Variants in ZNF536 observed in about 807,000 individuals in gnomAD.
ZNF536 encodes the protein zinc finger protein 536.
A neutral mutation model predicts 84.5 loss-of-function variants in ZNF536; 13 were observed. The observed-to-expected ratio is 0.15, with a 90% confidence interval of 0.10 to 0.24. The LOEUF is 0.24. ZNF536 is among the 10% of genes least tolerant of loss of function. The pLI is 1.00. For synonymous variants in ZNF536, 811 were observed against 742.5 expected (o/e 1.09, Z -1.50); for missense variants, 1,536 against 1,747.5 (o/e 0.88, Z 2.16).
intron 1 of ZNF536, among the ~76,000 whole-genome samples, chr19:30,598,970 TC>T (rs1191760252): frequency 2.0e-5 from 1 of 51,274 alleles, no homozygotes; most frequent in African/African-American, 5.1e-5. Context: ...CCTCCTTCCC[TC>T]CTTCCCTCCC....
At chr19:30,432,382 C>T (rs1277710099) in intron 1 of ZNF536, among the ~76,000 whole-genome samples, 1 of 152,160 alleles carries the variant, frequency 6.6e-6, no homozygotes, top group Non-Finnish European at 1.5e-5. Flanking sequence ...AACCCACCTA[C>T]TCTCACCAAG....
chr19:30,694,036 C>CA (rs1268891109), intron 1 of ZNF536, among the ~76,000 whole-genome samples: 1 of 152,140 alleles, frequency 6.6e-6, no homozygotes, highest in Non-Finnish European at 1.5e-5. Context: ...AAGATGTGTG[C>CA]AGGTAGTGAA....
chr19:30,259,414 G>A (rs1345451468), intron 1 of ZNF536, among the ~76,000 whole-genome samples: 5 of 152,212 alleles, frequency 3.3e-5, no homozygotes, highest in Admixed American at 1.3e-4. Flanking sequence ...TGGCGCAACA[G>A]CATGGGCGTC....
At chr19:30,559,754 T>G (rs1317389851), downstream of ZNF536, among the ~76,000 whole-genome samples, 1 of 152,134 alleles carries the variant, frequency 6.6e-6, no homozygotes. Context: ...GCCCTTTGCA[T>G]TGACAGCCTG....
chr19:30,404,539 T>A (rs369989739), intron 1 of ZNF536, among the ~76,000 whole-genome samples: 1 of 152,296 alleles, frequency 6.6e-6, no homozygotes, highest in South Asian at 2.1e-4. Flanking sequence ...AATATGATAG[T>A]AGTAAAACTC....
chr19:30,604,430 A>C (rs889421951), intron 1 of ZNF536, among the ~76,000 whole-genome samples: 9 of 152,194 alleles, frequency 5.9e-5, no homozygotes, highest in Non-Finnish European at 7.3e-5. Context: ...TTTTATAATG[A>C]GTGTTTATTA....
intron 1 of ZNF536, among the ~76,000 whole-genome samples, chr19:30,229,273 C>G (rs1276613459): frequency 6.6e-6 from 1 of 151,938 alleles, no homozygotes; most frequent in Non-Finnish European, 1.5e-5. Flanking sequence ...ACCTTCTTTG[C>G]TAAAGACAGG....
intron 3 of ZNF536, among the ~76,000 whole-genome samples, 154 bp downstream of exon 3, chr19:30,535,153 G>A (rs1022897874): frequency 6.6e-6 from 1 of 152,180 alleles, no homozygotes; most frequent in Non-Finnish European, 1.5e-5. Context: ...GCTCAGAAGC[G>A]GCCCTCATTT....
chr19:30,609,527 C>T lies in ZNF536; in HGVS notation c.169+60013C>T, dbSNP rs116591836. Among the ~76,000 whole-genome samples the T allele has an allele frequency of 4.7e-3, 715 of 152,250 alleles. 5 individuals are homozygous for T. The highest frequency in any genetic ancestry group is 0.016 in the African/African-American group (681 of 41,540). On this transcript the variant is annotated intron_variant, in intron 1 of 1. Coordinates refer to the ZNF536 transcript ENST00000592773. Reference sequence around the variant, plus strand: ...AATTTTTGCCATGGCTCTGACATAGCTATTGTGAGGGCCCAAGAAGATGTG... The same window carrying T: ...AATTTTTGCCATGGCTCTGACATAGTTATTGTGAGGGCCCAAGAAGATGTG...
At chr19:30,299,469 C>T (rs1401679257) in intron 2 of ZNF536, among the ~76,000 whole-genome samples, 3 of 152,082 alleles carry the variant, frequency 2.0e-5, no homozygotes, top group Non-Finnish European at 4.4e-5. Flanking sequence ...ATAAAATAGG[C>T]TGCCTGTGAG....
At chr19:30,255,848 G>T (rs1053982523) in intron 1 of ZNF536, among the ~76,000 whole-genome samples, 3 of 152,212 alleles carry the variant, frequency 2.0e-5, no homozygotes, top group Non-Finnish European at 4.4e-5. Context: ...AAGATTTATG[G>T]AAAAGTGGTG....
chr19:30,587,497 T>C (rs952974188), intron 1 of ZNF536, among the ~76,000 whole-genome samples: 5 of 152,084 alleles, frequency 3.3e-5, no homozygotes, highest in Non-Finnish European at 5.9e-5. Flanking sequence ...CCCCCGGGGG[T>C]GCCTGGTTTT....
At chr19:30,628,277 G>A (rs2048759634) in intron 1 of ZNF536, among the ~76,000 whole-genome samples, 1 of 152,200 alleles carries the variant, frequency 6.6e-6, no homozygotes, top group Non-Finnish European at 1.5e-5. Context: ...CTACGATGCT[G>A]GCCCCGTGGC....
At chr19:30,289,600 CTCTT>C (rs770035239) in intron 2 of ZNF536, among the ~76,000 whole-genome samples, 221 of 152,324 alleles carry the variant, frequency 1.5e-3, no homozygotes, top group Middle Eastern at 3.4e-3. Flanking sequence ...GGGTGCTTCT[CTCTT>C]TATTTCTGTG....
intron 1 of ZNF536, among the ~76,000 whole-genome samples, chr19:30,377,296 T>C (rs944413412): frequency 6.6e-6 from 1 of 151,988 alleles, no homozygotes; most frequent in Non-Finnish European, 1.5e-5. Context: ...ACAGAACTCA[T>C]TGTGTTACAG....
intron 2 of ZNF536, among the ~76,000 whole-genome samples, chr19:30,520,001 G>A (rs1217549443): frequency 1.3e-5 from 2 of 152,204 alleles, no homozygotes; most frequent in Non-Finnish European, 2.9e-5. Context: ...AATGACATTG[G>A]AGCTGAACCC....
chr19:30,631,793 G>C (rs1256546031), intron 1 of ZNF536, among the ~76,000 whole-genome samples: 2 of 152,166 alleles, frequency 1.3e-5, no homozygotes, highest in Non-Finnish European at 2.9e-5. Context: ...CTGTATTGTT[G>C]AAAACATTCT....
At chr19:30,589,235 G>A (rs913397211) in intron 1 of ZNF536, among the ~76,000 whole-genome samples, 1 of 152,162 alleles carries the variant, frequency 6.6e-6, no homozygotes, top group African/African-American at 2.4e-5. Context: ...CCATCTGCAT[G>A]GTTTCCATGG....
At chr19:30,670,048 G>A (rs1027376371) in intron 1 of ZNF536, among the ~76,000 whole-genome samples, 1 of 152,194 alleles carries the variant, frequency 6.6e-6, no homozygotes, top group Non-Finnish European at 1.5e-5. Context: ...ATCCTGCCCA[G>A]GTGGGAGAGG....
Sources: allele counts gnomAD v4.1 joint callset (sites outside exome capture counted in the v4.1 genomes callset), GRCh38; gene constraint gnomAD v4.1.1; transcripts MANE v1.5; gene names NCBI Gene and HGNC (gene_info 2026-07-23, HGNC 2026-07-21).